DLG2: variants seen among roughly 807,000 people sequenced by gnomAD.
DLG2 encodes the protein discs large MAGUK scaffold protein 2.
In DLG2, 45 loss-of-function variants were observed where a neutral mutation model predicts 132.5. That is an observed-to-expected ratio of 0.34 (90% CI 0.27 to 0.44). The LOEUF (loss-of-function observed/expected upper bound fraction) is 0.44, where lower values mean the gene tolerates loss of function less well. Ranked by LOEUF, DLG2 falls within the 20% of genes least tolerant of loss-of-function variation. DLG2 has a pLI of 1.00. For missense variants in DLG2, 1,045 were observed against 1,196.9 expected (o/e 0.87, Z 1.87); for synonymous variants, 424 against 419.6 (o/e 1.01, Z -0.13).
chr11:85,484,529 A>C (rs1192422846), intron 3 of DLG2, among the ~76,000 whole-genome samples: 1 of 151,552 alleles, frequency 6.6e-6, no homozygotes, highest in Non-Finnish European at 1.5e-5. Flanking sequence ...ACCCCATCAA[A>C]AAGTGGGCGA....
chr11:84,969,485 T>G (rs926753966), intron 6 of DLG2, among the ~76,000 whole-genome samples: 2 of 152,220 alleles, frequency 1.3e-5, no homozygotes, highest in Non-Finnish European at 2.9e-5. Flanking sequence ...AAAATCTTTT[T>G]TGGAAAATCT....
intron 7 of DLG2, among the ~76,000 whole-genome samples, chr11:84,288,680 C>A (rs372287091): frequency 6.6e-6 from 1 of 151,952 alleles, no homozygotes; most frequent in South Asian, 2.1e-4. Context: ...ACAGAAAAAC[C>A]CCTAAATGAA....
At chr11:84,551,493 G>T (rs572349928) in intron 6 of DLG2, among the ~76,000 whole-genome samples, 3 of 152,128 alleles carry the variant, frequency 2.0e-5, no homozygotes, top group African/African-American at 7.2e-5. Flanking sequence ...GTGACATGAC[G>T]TGCATATGTA....
intron 7 of DLG2, among the ~76,000 whole-genome samples, chr11:84,489,125 A>G (rs2099158168): frequency 6.6e-6 from 1 of 152,102 alleles, no homozygotes; most frequent in African/African-American, 2.4e-5. Flanking sequence ...TATAATACAG[A>G]TTCATCCCCT....
At chr11:85,005,951 C>T (rs190890625) in intron 6 of DLG2, among the ~76,000 whole-genome samples, 1 of 152,156 alleles carries the variant, frequency 6.6e-6, no homozygotes, top group Admixed American at 6.5e-5. Context: ...TGAATTTTAT[C>T]GAAGGCCTTT....
intron 18 of DLG2, among the ~76,000 whole-genome samples, chr11:83,639,226 C>A (rs1020041326): frequency 2.6e-5 from 4 of 152,158 alleles, no homozygotes; most frequent in Admixed American, 1.3e-4. Flanking sequence ...GGGCAGCATG[C>A]CCCTCGATCA....
chr11:83,861,364 A>T (rs936253456), intron 16 of DLG2, among the ~76,000 whole-genome samples: 3 of 152,102 alleles, frequency 2.0e-5, no homozygotes, highest in Admixed American at 6.6e-5. Context: ...ATGATCCAGC[A>T]CTCCCACTGC....
At chr11:84,697,642 C>T (rs2058753762) in intron 6 of DLG2, among the ~76,000 whole-genome samples, 1 of 151,558 alleles carries the variant, frequency 6.6e-6, no homozygotes, top group East Asian at 2.0e-4. Flanking sequence ...ACAACAACTC[C>T]TTGAATTGGT....
intron 7 of DLG2, among the ~76,000 whole-genome samples, chr11:84,290,065 C>T (rs940545474): frequency 6.6e-6 from 1 of 152,054 alleles, no homozygotes; most frequent in Non-Finnish European, 1.5e-5. Context: ...AAGCAGTCCT[C>T]GGTAAAGGCT....
At chr11:84,567,934 TC>T (rs1310304277) in intron 6 of DLG2, among the ~76,000 whole-genome samples, 14 of 152,022 alleles carry the variant, frequency 9.2e-5, no homozygotes. Context: ...CTCCTCCCAC[TC>T]CCCCAAGTCA....
At chr11:84,571,089 C>T (rs962782199) in intron 6 of DLG2, among the ~76,000 whole-genome samples, 1 of 152,106 alleles carries the variant, frequency 6.6e-6, no homozygotes, top group Non-Finnish European at 1.5e-5. Context: ...CCACACATAC[C>T]TATACTATAA....
intron 7 of DLG2, among the ~76,000 whole-genome samples, chr11:84,282,284 T>C (rs1345063663): frequency 6.6e-6 from 1 of 152,196 alleles, no homozygotes; most frequent in East Asian, 1.9e-4. Context: ...ATCTCACTTA[T>C]ATAAAATTAT....
intron 16 of DLG2, among the ~76,000 whole-genome samples, chr11:83,864,908 C>T (rs1379352004): frequency 1.3e-5 from 2 of 152,194 alleles, no homozygotes; most frequent in Admixed American, 6.5e-5. Context: ...TGAGGCAATC[C>T]TCTTTGTTTT....
intron 10 of DLG2, among the ~76,000 whole-genome samples, chr11:84,093,039 A>G (rs1039788400): frequency 6.6e-6 from 1 of 151,696 alleles, no homozygotes; most frequent in Non-Finnish European, 1.5e-5. Flanking sequence ...CCGTCAAAAA[A>G]AAAAAAAAAA....
chr11:84,464,830 A>C (rs1196078743), intron 7 of DLG2, among the ~76,000 whole-genome samples: 1 of 151,206 alleles, frequency 6.6e-6, no homozygotes, highest in Non-Finnish European at 1.5e-5. Context: ...ACAAATATGT[A>C]GTAATTAATG....
intron 18 of DLG2, among the ~76,000 whole-genome samples, chr11:83,646,250 C>G (rs2068125602): frequency 6.6e-6 from 1 of 152,020 alleles, no homozygotes; most frequent in Non-Finnish European, 1.5e-5. Context: ...GTTCCTTGCC[C>G]AAACAGCTTA....
chr11:84,192,745 A>T (rs2096437754), intron 8 of DLG2, among the ~76,000 whole-genome samples: 1 of 151,264 alleles, frequency 6.6e-6, no homozygotes, highest in Non-Finnish European at 1.5e-5. Flanking sequence ...ATAAAAAAAT[A>T]AAAAAATAAA....
In DLG2 at chr11:83,523,434, T is replaced by C. The variant is rs560908756; in HGVS notation, c.2193+9274A>G. Among the ~76,000 whole-genome samples, 11 of 152,316 alleles carry C rather than the reference T, an allele frequency of 7.2e-5. No homozygotes were observed. In the South Asian group the frequency reaches 2.3e-3, roughly 32 times the overall value. On this transcript the variant is annotated intron_variant, in intron 21 of 27. Transcript: ENST00000376104. ...CTATGCTACTAACATCTGGAATTAG[T>C]TCATATGTAAAAATCTTCTAAAGAA...
intron 4 of DLG2, among the ~76,000 whole-genome samples, chr11:85,174,333 G>C (rs764088927): frequency 1.3e-5 from 2 of 151,980 alleles, no homozygotes; most frequent in Non-Finnish European, 2.9e-5. Flanking sequence ...AAAACCACAC[G>C]ACTACATGGA....
Sources: gnomAD v4.1 joint callset for allele counts (sites outside exome capture counted in the v4.1 genomes callset) on GRCh38, gnomAD v4.1.1 for gene constraint, MANE v1.5 for transcripts, NCBI Gene and HGNC (gene_info 2026-07-23, HGNC 2026-07-21) for gene names.